The following AKAP13 variants were observed in gnomAD, a reference collection of about 807,000 sequenced individuals.
AKAP13 encodes the protein A-kinase anchoring protein 13.
In AKAP13, 80 loss-of-function variants were observed where a neutral mutation model predicts 264.5. The ratio of observed to expected loss-of-function variants is 0.30; its 90% CI spans 0.25 to 0.36. AKAP13 has a LOEUF of 0.36. Ranked by LOEUF, AKAP13 falls within the 10% of genes least tolerant of loss-of-function variation. AKAP13 has a pLI of 1.00. For missense variants in AKAP13, 3,712 were observed against 3,435.2 expected, an observed-to-expected ratio of 1.08 and a Z score of -2.01; for synonymous variants, 1,380 against 1,250.2, an observed-to-expected ratio of 1.10 and a Z score of -2.19.
At chr15:85,433,533 C>A (rs2073121873) in intron 1 of AKAP13, among the ~76,000 whole-genome samples, 3 of 152,134 alleles carry the variant, frequency 2.0e-5, no homozygotes, top group Admixed American at 1.3e-4. Context: ...CCTAGTCAGT[C>A]CACAAACTCC....
intron 9 of AKAP13, among the ~76,000 whole-genome samples, chr15:85,644,168 C>A (rs1262603285): frequency 2.6e-5 from 4 of 152,022 alleles, no homozygotes; most frequent in African/African-American, 9.7e-5. Context: ...TAAAGCATGC[C>A]TACCTGGTTG....
At chr15:85,698,921 G>GA (rs1349070628) in intron 17 of AKAP13, among the ~76,000 whole-genome samples, 1 of 130,844 alleles carries the variant, frequency 7.6e-6, no homozygotes, top group Non-Finnish European at 1.6e-5. Context: ...TCCAGCCTGG[G>GA]AAACAGAGCG....
In AKAP13 at chr15:85,580,967, T is replaced by A; in HGVS notation, c.2899T>A (p.Ser967Thr). 1 of 1,614,034 alleles carries A rather than the reference T, an allele frequency of 6.2e-7. No individual in the cohort carries two copies. The highest frequency in any genetic ancestry group is 8.5e-7 in the Non-Finnish European group (1 of 1,180,008). ...AGATACTCAACAATTTCATGAAAAA[T>A]CAATCTCAGCTGACTGTGCCAAGGA... ...GQDTQQFHEK[S>T]ISADCAKDKA... is the part of the protein sequence containing the mutation. Residue 967 changes from serine to threonine, a missense_variant, in exon 7 of 37, where the codon TCA becomes ACA. Ser to Thr is a moderately conservative substitution (Grantham distance 58). Around this residue, in one of 3 missense-constraint regions of AKAP13, gnomAD observed 2,759 missense variants for 2,411.7 expected, o/e 1.14. Transcript: ENST00000394518.
chr15:85,561,172 C>G (rs2078361104), intron 5 of AKAP13, among the ~76,000 whole-genome samples: 1 of 151,722 alleles, frequency 6.6e-6, no homozygotes, highest in Non-Finnish European at 1.5e-5. Context: ...ATTCTCCTGC[C>G]TCAGCCTCCC....
At chr15:85,526,648 A>G (rs2077054656) in intron 3 of AKAP13, among the ~76,000 whole-genome samples, 2 of 152,188 alleles carry the variant, frequency 1.3e-5, no homozygotes, top group Non-Finnish European at 1.5e-5. Flanking sequence ...GCATATTTGA[A>G]AAGAAGTTGT....
At chr15:85,656,831 C>G (rs2083121197) in intron 11 of AKAP13, among the ~76,000 whole-genome samples, 1 of 152,168 alleles carries the variant, frequency 6.6e-6, no homozygotes, top group African/African-American at 2.4e-5. Flanking sequence ...GTAGTGCCTA[C>G]TATATTTACA....
intron 8 of AKAP13, among the ~76,000 whole-genome samples, chr15:85,625,177 G>A (rs2081354964): frequency 6.6e-6 from 1 of 152,146 alleles, no homozygotes; most frequent in Non-Finnish European, 1.5e-5. Context: ...CCAGCTACTT[G>A]CTTCTCTACA....
chr15:85,692,992 T>C (rs146540153), intron 16 of AKAP13: 4,199 of 329,196 alleles, frequency 0.013, 44 homozygotes, highest in Non-Finnish European at 0.016. Context: ...CTCCTTGCAG[T>C]GCTGGTCCTT....
chr15:85,446,990 C>T (rs186121432), intron 1 of AKAP13, among the ~76,000 whole-genome samples: 8 of 152,158 alleles, frequency 5.3e-5, no homozygotes, highest in East Asian at 1.9e-4. Flanking sequence ...AAATTTAGGC[C>T]GGGTGTGGCG....
At chr15:85,404,058 A>G (rs924514136) in intron 1 of AKAP13, among the ~76,000 whole-genome samples, 10 of 152,084 alleles carry the variant, frequency 6.6e-5, no homozygotes, top group Admixed American at 2.0e-4. Context: ...TTAACTTCTG[A>G]TACCTTCTGG....
At chr15:85,685,880 C>T (rs754091967) in intron 16 of AKAP13, among the ~76,000 whole-genome samples, 2 of 152,036 alleles carry the variant, frequency 1.3e-5, no homozygotes, top group South Asian at 2.1e-4. Context: ...GGAATAACCC[C>T]GCTTAGAGAT....
chr15:85,598,992 C>T (rs189113162), intron 8 of AKAP13, among the ~76,000 whole-genome samples: 20 of 152,304 alleles, frequency 1.3e-4, no homozygotes, highest in East Asian at 3.9e-4. Flanking sequence ...CTATTACCCT[C>T]GTAGTCAACA....
rs775639445 is a variant in AKAP13 at position 85,580,265 on chromosome 15, C to G, written c.2197C>G (p.Pro733Ala). The change falls in exon 7 of 37, where the codon CCT becomes GCT. Residue 733 changes from proline (P) to alanine (A), a missense_variant. Transcript: ENST00000394518. The part of the protein sequence containing the change: ...RDTQERADFC[P>A]FKVVDNKGQR... ...TACCCAGGAACGTGCGGATTTTTGT[C>G]CTTTCAAAGTGGTGGATAACAAAGG... 44 of 1,614,172 alleles carry G rather than the reference C, an allele frequency of 2.7e-5. No homozygotes were observed. The East Asian group carries it at 9.4e-4, about 34-fold the overall frequency.
At chr15:85,609,775 ATTCATTAACATCTTTACC>A (rs1478536818) in intron 8 of AKAP13, among the ~76,000 whole-genome samples, 1 of 152,198 alleles carries the variant, frequency 6.6e-6, no homozygotes, top group Non-Finnish European at 1.5e-5. Flanking sequence ...CATACCTGGC[ATTCATTAACATCTTTACC>A]TTCACTCACA....
intron 1 of AKAP13, among the ~76,000 whole-genome samples, chr15:85,403,512 A>G (rs1596059231): frequency 6.6e-6 from 1 of 152,244 alleles, no homozygotes; most frequent in Non-Finnish European, 1.5e-5. Context: ...GCTGTGTCCC[A>G]TGGAAATGTG....
chr15:85,714,706 C>T (rs973851552), intron 19 of AKAP13, among the ~76,000 whole-genome samples: 6 of 152,158 alleles, frequency 3.9e-5, no homozygotes, highest in Admixed American at 2.0e-4. Flanking sequence ...CAGTGGCTCA[C>T]GCCTGTAATC....
intron 5 of AKAP13, among the ~76,000 whole-genome samples, chr15:85,561,190 T>A (rs1462727667): frequency 6.6e-6 from 1 of 151,922 alleles, no homozygotes; most frequent in Non-Finnish European, 1.5e-5. Flanking sequence ...CCCAAGTAGC[T>A]GGGATTACAG....
At chr15:85,412,534 A>G (rs2072025940) in intron 1 of AKAP13, among the ~76,000 whole-genome samples, 1 of 152,230 alleles carries the variant, frequency 6.6e-6, no homozygotes, top group Non-Finnish European at 1.5e-5. Flanking sequence ...ATTTGTAATG[A>G]GTTCATGGAA....
At chr15:85,660,900 C>T (rs935379145) in intron 12 of AKAP13, among the ~76,000 whole-genome samples, 2 of 152,212 alleles carry the variant, frequency 1.3e-5, no homozygotes, top group East Asian at 3.9e-4. Flanking sequence ...ATCCTCCCAC[C>T]CATTTTCCTT....
Sources: allele counts gnomAD v4.1 joint callset (sites outside exome capture counted in the v4.1 genomes callset), GRCh38; gene constraint gnomAD v4.1.1; regional missense constraint gnomAD v4.1.1; transcripts MANE v1.5; gene names NCBI Gene and HGNC (gene_info 2026-07-23, HGNC 2026-07-21).